Variants in ADAMTS17 observed in about 807,000 individuals in gnomAD.
ADAMTS17 encodes ADAM metallopeptidase with thrombospondin type 1 motif 17, also known as A disintegrin and metalloproteinase with thrombospondin motifs 17.
Under a neutral mutation model 141.5 loss-of-function variants are expected in ADAMTS17, and 113 were observed. That is an observed-to-expected ratio of 0.80 (90% CI 0.69 to 0.93). The LOEUF is 0.93. ADAMTS17 is among the 40% of genes least tolerant of loss of function. The pLI is 0.00. For synonymous variants in ADAMTS17, 768 were observed against 630.6 expected (o/e 1.22, Z -3.27); for missense variants, 1,659 against 1,517.9 (o/e 1.09, Z -1.54).
chr15:100,134,130 C>T (rs1453430015), intron 10 of ADAMTS17, among the ~76,000 whole-genome samples: 1 of 152,194 alleles, frequency 6.6e-6, no homozygotes, highest in Non-Finnish European at 1.5e-5. Flanking sequence ...TGACCTCAAC[C>T]ATAAGAGACA....
intron 12 of ADAMTS17, chr15:100,126,010 C>T (rs1451804294): frequency 1.3e-5 from 2 of 152,226 alleles, no homozygotes; most frequent in East Asian, 1.9e-4. Flanking sequence ...CTTGTGAAAT[C>T]TCTAGGCAGC....
At chr15:100,158,332 C>A (rs1162617278) in intron 8 of ADAMTS17, among the ~76,000 whole-genome samples, 1 of 152,104 alleles carries the variant, frequency 6.6e-6, no homozygotes, top group Non-Finnish European at 1.5e-5. Flanking sequence ...AATCCTGTTA[C>A]AAATAAAAAA....
At chr15:100,227,676 G>T (rs993217849) in intron 7 of ADAMTS17, among the ~76,000 whole-genome samples, 1 of 152,196 alleles carries the variant, frequency 6.6e-6, no homozygotes, top group South Asian at 2.1e-4. Flanking sequence ...TAGCTTCCCA[G>T]GGTGGAAAAC....
chr15:100,145,857 G>A (rs8033529), intron 10 of ADAMTS17, among the ~76,000 whole-genome samples: 16 of 152,142 alleles, frequency 1.1e-4, no homozygotes, highest in Admixed American at 5.9e-4. Flanking sequence ...AATCTTTAAC[G>A]CATCACATTC....
At chr15:99,995,618 G>A (rs2060786216) in intron 19 of ADAMTS17, among the ~76,000 whole-genome samples, 2 of 152,182 alleles carry the variant, frequency 1.3e-5, no homozygotes, top group Admixed American at 1.3e-4. Flanking sequence ...AAGCTGGGGA[G>A]TAGGTAGTGA....
At chr15:100,152,430 G>C (rs2039212876) in intron 10 of ADAMTS17, among the ~76,000 whole-genome samples, 182 bp downstream of exon 10, 1 of 152,170 alleles carries the variant, frequency 6.6e-6, no homozygotes, top group African/African-American at 2.4e-5. Context: ...ATGCCTGTGA[G>C]AGTGTGTTTA....
At chr15:100,075,781 T>G (rs2034331382) in intron 15 of ADAMTS17, among the ~76,000 whole-genome samples, 1 of 152,228 alleles carries the variant, frequency 6.6e-6, no homozygotes, top group Non-Finnish European at 1.5e-5. Flanking sequence ...TCATTTGATC[T>G]TTTATCCTGG....
intron 6 of ADAMTS17, among the ~76,000 whole-genome samples, chr15:100,258,335 T>C (rs1169503164): frequency 6.6e-6 from 1 of 152,224 alleles, no homozygotes; most frequent in African/African-American, 2.4e-5. Context: ...TTCCCATCGA[T>C]GGTGCACAGA....
At chr15:100,063,171 C>A (rs527543985) in intron 15 of ADAMTS17, among the ~76,000 whole-genome samples, 4 of 152,220 alleles carry the variant, frequency 2.6e-5, no homozygotes, top group Non-Finnish European at 5.9e-5. Context: ...GTCAATGGAG[C>A]TGGCCACTAG....
intron 8 of ADAMTS17, among the ~76,000 whole-genome samples, chr15:100,188,753 G>C (rs1470641008): frequency 6.6e-6 from 1 of 152,168 alleles, no homozygotes; most frequent in East Asian, 1.9e-4. Flanking sequence ...AGGCTGAACG[G>C]AAACCTAGCG....
chr15:100,119,736 A>G (rs1426798421), intron 12 of ADAMTS17, among the ~76,000 whole-genome samples: 16 of 152,212 alleles, frequency 1.1e-4, no homozygotes, highest in Admixed American at 1.0e-3. Flanking sequence ...CTCCCTCCAC[A>G]TCTGCTTCTG....
chr15:100,109,603 C>G (rs990653723), intron 13 of ADAMTS17, among the ~76,000 whole-genome samples: 1 of 151,992 alleles, frequency 6.6e-6, no homozygotes, highest in Non-Finnish European at 1.5e-5. Flanking sequence ...GGGTGACAGT[C>G]GAGCTGTGCT....
intron 3 of ADAMTS17, among the ~76,000 whole-genome samples, chr15:100,281,611 T>C (rs1344277536): frequency 2.6e-5 from 4 of 152,142 alleles, no homozygotes; most frequent in African/African-American, 9.7e-5. Flanking sequence ...GTAACAGCTA[T>C]GAGGCCAGAT....
chr15:100,339,120 G>T, intron 2 of ADAMTS17: 1 of 985,474 alleles, frequency 1.0e-6, no homozygotes, highest in South Asian at 4.7e-5. Flanking sequence ...AACCGCCACT[G>T]GCACACACTG....
intron 13 of ADAMTS17, among the ~76,000 whole-genome samples, chr15:100,116,149 A>AAAAAAAAAAC (rs1427491211): frequency 1.5e-4 from 23 of 149,440 alleles, no homozygotes; most frequent in South Asian, 8.4e-4. Flanking sequence ...AAAAAAAAAA[A>AAAAAAAAAAC]AAAAAAAAAC....
rs561193915 is a variant in ADAMTS17, at chr15:100,148,362, T to C, written c.1473+4250A>G. On this transcript the variant is annotated intron_variant, in intron 10 of 21. Transcript: ENST00000268070. ...CTCTTCATTTCTTTGTGTAGATCCA[T>C]ATTTCCACCTAGTATCATTTTCTGC... Among the ~76,000 whole-genome samples, 5 of 147,212 alleles carry C rather than the reference T, an allele frequency of 3.4e-5. No individual in the cohort carries two copies. In the South Asian group the frequency reaches 1.1e-3, roughly 32 times the overall value.
chr15:100,178,149 A>ATTT (rs905497816), intron 8 of ADAMTS17, among the ~76,000 whole-genome samples: 10 of 152,200 alleles, frequency 6.6e-5, no homozygotes, highest in African/African-American at 2.4e-4. Context: ...TAGCTGAAGT[A>ATTT]TTTTTTTAGA....
intron 20 of ADAMTS17, among the ~76,000 whole-genome samples, chr15:99,986,527 T>G (rs2573594): frequency 0.11 from 16,448 of 152,154 alleles, 2,756 homozygotes; most frequent in African/African-American, 0.36. Flanking sequence ...GTCAGGGTGC[T>G]CAGAGGCCTT....
intron 3 of ADAMTS17, among the ~76,000 whole-genome samples, chr15:100,297,391 G>A (rs2044860476): frequency 6.6e-6 from 1 of 152,168 alleles, no homozygotes; most frequent in Non-Finnish European, 1.5e-5. Flanking sequence ...GTGGGCAGAA[G>A]AGATTCCAGG....
Sources: gnomAD v4.1 joint callset for allele counts (sites outside exome capture counted in the v4.1 genomes callset) on GRCh38, gnomAD v4.1.1 for gene constraint, MANE v1.5 for transcripts, NCBI Gene and HGNC (gene_info 2026-07-23, HGNC 2026-07-21) for gene names.